CUL3: variants seen among roughly 807,000 people sequenced by gnomAD.
The protein encoded by CUL3 is cullin 3, also known as cullin-3.
In CUL3, 19 loss-of-function variants were observed where a neutral mutation model predicts 89.1. That is an observed-to-expected ratio of 0.21 (90% confidence interval 0.15 to 0.31). CUL3 has a LOEUF of 0.31. Ranked by LOEUF, CUL3 falls within the 10% of genes least tolerant of loss-of-function variation. The probability of loss-of-function intolerance (pLI) is 1.00; values close to 1 mark genes in which losing one functional copy is unlikely to be tolerated. For synonymous variants in CUL3, 351 were observed against 308.4 expected, an observed-to-expected ratio of 1.14 and a Z score of -1.45; for missense variants, 469 against 942.3, an observed-to-expected ratio of 0.50 and a Z score of 6.58.
At position 224,563,084 on chromosome 2, in the gene CUL3, A is replaced by G. The variant is rs190031125; in HGVS notation, c.67-5228T>C. ...GATAGAATCTCTTGAACGCTCATCG[A>G]CAGTCATCAAATAAATGTCAGAAAG... On this transcript the variant is annotated intron_variant, in intron 1 of 15. Transcript: ENST00000264414. 886 of 375,852 alleles carry G rather than the reference A, an allele frequency of 2.4e-3. 1 individual carries two copies. Among genetic ancestry groups the G allele is most frequent in the African/African-American group, 7.2e-3 (337 of 46,954 alleles). The allele number at this position is 375,852 out of a possible 1,614,324, so 23.3% of individuals were successfully genotyped here. A position where few individuals can be genotyped will look rare whatever the true frequency, so the allele number is the denominator to read the frequency against.
In CUL3 at chr2:224,485,017, G is replaced by A. The variant is rs1691664614; in HGVS notation, c.1843-2939C>T. Among the ~76,000 whole-genome samples, 1 of 152,164 alleles carries A rather than the reference G, an allele frequency of 6.6e-6. No homozygotes were observed. The highest frequency in any genetic ancestry group is 6.5e-5 in the Admixed American group (1 of 15,278). ...GCAGGGTGGGGCGTCACCTCACCTG[G>A]GAAGCACAAGGGGTCAGGGAACTCC... is the stretch of plus-strand genomic sequence containing the variant. On this transcript the variant is annotated intron_variant, in intron 13 of 15. Coordinates refer to ENST00000264414, the MANE Select transcript of CUL3 (RefSeq NM_003590.5). The surrounding 1 kb of genome is among the most constrained non-coding windows in gnomAD (Gnocchi z 4.1).
chr2:224,490,079 T>G (rs12994256), intron 13 of CUL3, among the ~76,000 whole-genome samples: 28,198 of 152,114 alleles, frequency 0.19, 2,963 homozygotes, highest in East Asian at 0.28. Context: ...ACATTTGTGT[T>G]GCTAACAAAC....
chr2:224,475,165 C>T (rs1691270052), intron 15 of CUL3, among the ~76,000 whole-genome samples: 1 of 152,052 alleles, frequency 6.6e-6, no homozygotes, highest in African/African-American at 2.4e-5. Flanking sequence ...CTACAGGCGC[C>T]CACCACCACA....
Position 224,496,106 on chromosome 2 carries a change from C to T in CUL3, c.1708-140G>A, listed in dbSNP as rs1028100445. Reference sequence around the variant, plus strand: ...AGTGCAGTGGCGCAAACACAGCTCACTGCAGCCTCAACCTCCTGGGCTCAA... The same window carrying T: ...AGTGCAGTGGCGCAAACACAGCTCATTGCAGCCTCAACCTCCTGGGCTCAA... On this transcript the variant is annotated intron_variant, in intron 12 of 15. Coordinates refer to ENST00000264414, the MANE Select transcript of CUL3 (RefSeq NM_003590.5). 10 of 839,804 alleles carry T rather than the reference C, an allele frequency of 1.2e-5. No homozygotes were observed. The African/African-American group carries it at 1.6e-4, about 13-fold the overall frequency. The allele number at this position is 839,804 out of a possible 1,614,324, so 52.0% of individuals were successfully genotyped here.
At chr2:224,525,814 A>T (rs1693452826) in intron 3 of CUL3, among the ~76,000 whole-genome samples, 1 of 152,206 alleles carries the variant, frequency 6.6e-6, no homozygotes, top group Non-Finnish European at 1.5e-5. Flanking sequence ...TTCTTCCTTC[A>T]TTATCATAAT....
At chr2:224,509,187 C>G (rs1223080570) in intron 6 of CUL3, among the ~76,000 whole-genome samples, 1 of 152,072 alleles carries the variant, frequency 6.6e-6, no homozygotes, top group African/African-American at 2.4e-5. Context: ...CACCAGGTTT[C>G]TAGCGGAAGC....
intron 3 of CUL3, among the ~76,000 whole-genome samples, chr2:224,524,491 A>G (rs1392893376): frequency 6.6e-6 from 1 of 152,214 alleles, no homozygotes; most frequent in Non-Finnish European, 1.5e-5. Flanking sequence ...TTAGAATTCT[A>G]GGAACATTAA....
At chr2:224,581,898 CAAT>C (rs1162413792) in intron 1 of CUL3, among the ~76,000 whole-genome samples, 1 of 151,966 alleles carries the variant, frequency 6.6e-6, no homozygotes, top group Non-Finnish European at 1.5e-5. Context: ...ATGTAAAATA[CAAT>C]AATTTTTAAA....
At chr2:224,552,371 C>CGAA (rs1173571403) in intron 2 of CUL3, among the ~76,000 whole-genome samples, 5 of 152,158 alleles carry the variant, frequency 3.3e-5, no homozygotes, top group African/African-American at 1.2e-4. Flanking sequence ...GAGAAATGAA[C>CGAA]TAAATTCCTA....
At chr2:224,569,898 CA>C (rs1392074867) in intron 1 of CUL3, 1 of 583,744 alleles carries the variant, frequency 1.7e-6, no homozygotes, top group African/African-American at 2.4e-5. Context: ...CAGAATGACA[CA>C]GCTAGAAAAA....
chr2:224,574,149 A>G (rs1419741869), intron 1 of CUL3, among the ~76,000 whole-genome samples: 1 of 152,152 alleles, frequency 6.6e-6, no homozygotes, highest in Non-Finnish European at 1.5e-5. Flanking sequence ...GGAATCTTAT[A>G]TTTTCTTAAA....
chr2:224,571,101 T>A (rs1413081177), intron 1 of CUL3, among the ~76,000 whole-genome samples: 1 of 152,202 alleles, frequency 6.6e-6, no homozygotes, highest in Non-Finnish European at 1.5e-5. Flanking sequence ...GGTAAAAAGC[T>A]TGTCACTGTC....
intron 13 of CUL3, among the ~76,000 whole-genome samples, chr2:224,494,394 T>C (rs1047387082): frequency 3.9e-5 from 6 of 152,116 alleles, no homozygotes; most frequent in Non-Finnish European, 7.4e-5. Context: ...AAAAGACTAA[T>C]TGGATTTAAT....
At chr2:224,550,852 A>G (rs1412278163) in intron 2 of CUL3, among the ~76,000 whole-genome samples, 2 of 152,096 alleles carry the variant, frequency 1.3e-5, no homozygotes, top group African/African-American at 4.8e-5. Flanking sequence ...TAACTTATTT[A>G]TCTTGCTTAA....
At position 224,506,841 on chromosome 2, in the gene CUL3, C is replaced by A. The variant is rs749439858; in HGVS notation, c.1029+17G>T. 1 of 1,609,374 alleles carries A rather than the reference C, an allele frequency of 6.2e-7. No homozygotes were observed. The highest frequency in any genetic ancestry group is 1.1e-5 in the South Asian group (1 of 90,200). ...TGCCTTTATCATAAACACAGAGAAT[C>A]TTCTGGGTTTACTTACCTGGATATA... On this transcript the variant is annotated intron_variant, in intron 7 of 15. Transcript: ENST00000264414.
At chr2:224,554,107 T>G (rs1694615607) in intron 2 of CUL3, among the ~76,000 whole-genome samples, 1 of 152,088 alleles carries the variant, frequency 6.6e-6, no homozygotes, top group South Asian at 2.1e-4. Flanking sequence ...ACGAGCCACT[T>G]CTCAACCCTA....
intron 2 of CUL3, among the ~76,000 whole-genome samples, chr2:224,540,792 C>T (rs1323720441): frequency 6.6e-6 from 1 of 152,162 alleles, no homozygotes; most frequent in Non-Finnish European, 1.5e-5. Flanking sequence ...TTGACTCATC[C>T]TCTAAGTTCC....
chr2:224,520,145 C>T lies in CUL3; in HGVS notation c.379-5373G>A, dbSNP rs116446684. 8.3e-3 allele frequency among the ~76,000 whole-genome samples: 1,264 copies of T among 152,252 alleles called. 14 individuals carry two copies. Among genetic ancestry groups the T allele is most frequent in the South Asian group, 0.026 (126 of 4,830 alleles). On this transcript the variant is annotated intron_variant, in intron 3 of 15. Transcript: ENST00000264414. ...TATAAAATGTTCTGAAAAACATGTT[C>T]GAAAGCCTAATGTGAGTCAAGCATT...
intron 13 of CUL3, chr2:224,495,319 C>T (rs1054012519): frequency 4.6e-5 from 7 of 152,426 alleles, no homozygotes; most frequent in African/African-American, 1.7e-4. Context: ...TATAGCTCTA[C>T]TTAGCCTAAA....
Sources: allele counts gnomAD v4.1 joint callset (sites outside exome capture counted in the v4.1 genomes callset), GRCh38; gene constraint gnomAD v4.1.1; non-coding constraint Gnocchi (gnomAD v3.1); transcripts MANE v1.5; gene names NCBI Gene and HGNC (gene_info 2026-07-23, HGNC 2026-07-21).